CALCR: variants seen among roughly 807,000 people sequenced by gnomAD.
CALCR encodes the protein calcitonin receptor.
In CALCR, 47 loss-of-function variants were observed where a neutral mutation model predicts 59.5. The observed-to-expected ratio is 0.79, with a 90% CI of 0.63 to 1.01. CALCR has a LOEUF of 1.01. Ranked by LOEUF, CALCR falls within the 50% of genes least tolerant of loss-of-function variation. The pLI is 0.00. For missense variants in CALCR, 566 were observed against 597.1 expected (o/e 0.95, Z 0.54); for synonymous variants, 213 against 211.3 (o/e 1.01, Z -0.07).
chr7:93,475,542 G>GT (rs4015274), intron 5 of CALCR, among the ~76,000 whole-genome samples: 2,081 of 149,890 alleles, frequency 0.014, 21 homozygotes, highest in African/African-American at 0.036. Flanking sequence ...GCAGAAAGTA[G>GT]TTTTTTTTTT....
At chr7:93,510,087 A>C (rs1801511308) in intron 2 of CALCR, among the ~76,000 whole-genome samples, 1 of 152,102 alleles carries the variant, frequency 6.6e-6, no homozygotes, top group Non-Finnish European at 1.5e-5. Flanking sequence ...TCTTTGTATA[A>C]ATTTCTTTGT....
At chr7:93,460,566 A>ATATAT (rs1399357588) in intron 8 of CALCR, among the ~76,000 whole-genome samples, 1 of 82,300 alleles carries the variant, frequency 1.2e-5, no homozygotes, top group Non-Finnish European at 2.1e-5. Context: ...AAAAAAAAAA[A>ATATAT]AAAAAAATAT....
intron 7 of CALCR, among the ~76,000 whole-genome samples, chr7:93,467,649 A>C (rs576853619): frequency 7.5e-4 from 114 of 151,692 alleles, no homozygotes; most frequent in Middle Eastern, 3.4e-3. Flanking sequence ...ATAAATGCAT[A>C]TATATTCTTC....
intron 2 of CALCR, among the ~76,000 whole-genome samples, chr7:93,517,317 A>ATTCTTTTTTT (rs1801671375): frequency 7.8e-6 from 1 of 127,810 alleles, no homozygotes; most frequent in African/African-American, 4.0e-5. Flanking sequence ...TTTTTTTTTA[A>ATTCTTTTTTT]TTTGCTAGCC....
At chr7:93,438,342 TG>T in intron 9 of CALCR, 72 bp from the exon 10 acceptor site, 1 of 1,139,238 alleles carries the variant, frequency 8.8e-7, no homozygotes, top group South Asian at 1.2e-5. Flanking sequence ...GCATGGACAA[TG>T]GTAGTGTACT....
At chr7:93,543,664 T>C (rs976483630) in intron 2 of CALCR, among the ~76,000 whole-genome samples, 55 of 151,020 alleles carry the variant, frequency 3.6e-4, no homozygotes, top group East Asian at 2.3e-3. Flanking sequence ...TATATATATA[T>C]ACACACACAC....
chr7:93,501,173 C>A lies in CALCR; in HGVS notation c.-26-14166G>T, dbSNP rs573882580. On this transcript the variant is annotated intron_variant, in intron 2 of 13. Transcript: ENST00000426151. ...TCATAGCAGTTGTTTCCCACCATGA[C>A]CCTAAGAGCTAAGAATCAGTGGTCT... Among the ~76,000 whole-genome samples the A allele has an allele frequency of 3.9e-5, 6 of 152,056 alleles. No homozygotes were observed. The South Asian group carries it at 1.2e-3, about 32-fold the overall frequency.
chr7:93,509,497 C>A (rs1257185781), intron 2 of CALCR, among the ~76,000 whole-genome samples: 1 of 152,092 alleles, frequency 6.6e-6, no homozygotes, highest in Non-Finnish European at 1.5e-5. Context: ...ACTTTTAAGA[C>A]AACTCAGCAA....
chr7:93,534,552 T>C (rs1376793011), intron 2 of CALCR, among the ~76,000 whole-genome samples: 1 of 151,798 alleles, frequency 6.6e-6, no homozygotes, highest in African/African-American at 2.4e-5. Flanking sequence ...CAGTACCCTT[T>C]CCAACAAAAT....
intron 2 of CALCR, among the ~76,000 whole-genome samples, chr7:93,510,767 C>T (rs984068973): frequency 2.0e-5 from 3 of 151,872 alleles, no homozygotes; most frequent in Admixed American, 1.3e-4. Context: ...GAGGCCAAGG[C>T]GGGAGGATTG....
At chr7:93,509,118 C>T (rs1323908391) in intron 2 of CALCR, among the ~76,000 whole-genome samples, 1 of 152,022 alleles carries the variant, frequency 6.6e-6, no homozygotes, top group East Asian at 1.9e-4. Context: ...CATATTGGCT[C>T]AGGTAAAAGC....
intron 8 of CALCR, among the ~76,000 whole-genome samples, chr7:93,453,875 T>C: frequency 6.6e-6 from 1 of 152,192 alleles, no homozygotes; most frequent in East Asian, 1.9e-4. Flanking sequence ...TTCTGCACCA[T>C]GTGACCTTGG....
chr7:93,449,338 T>C (rs577129191), intron 8 of CALCR, among the ~76,000 whole-genome samples: 4 of 152,190 alleles, frequency 2.6e-5, no homozygotes, highest in Admixed American at 2.0e-4. Context: ...AAAGACATTT[T>C]AAGAGAGACT....
intron 2 of CALCR, among the ~76,000 whole-genome samples, chr7:93,515,856 C>A (rs1053999210): frequency 2.6e-5 from 4 of 151,886 alleles, no homozygotes; most frequent in Admixed American, 2.6e-4. Flanking sequence ...TTGCATTAAA[C>A]AATTTTGCTT....
intron 7 of CALCR, among the ~76,000 whole-genome samples, chr7:93,464,431 ATCTTC>A (rs1800400611): frequency 6.6e-6 from 1 of 152,016 alleles, no homozygotes; most frequent in Non-Finnish European, 1.5e-5. Context: ...CCCAAGTCAT[ATCTTC>A]TAGTGTAACT....
At chr7:93,526,487 A>C (rs554237553) in intron 2 of CALCR, among the ~76,000 whole-genome samples, 3 of 146,232 alleles carry the variant, frequency 2.1e-5, no homozygotes, top group East Asian at 2.0e-4. Flanking sequence ...TGATTCAGAG[A>C]TATGGTAAAG....
Position 93,463,431 on chromosome 7 carries a change from T to C in CALCR, c.522-2484A>G, listed in dbSNP as rs941365475. On this transcript the variant is annotated intron_variant, in intron 7 of 13. Transcript: ENST00000426151. Reference sequence around the variant, plus strand: ...CTGTTTTTTGAAAGTTTTAATATAATTTTTGCTCATTGAGTTTTAAAATTT... The same window carrying C: ...CTGTTTTTTGAAAGTTTTAATATAACTTTTGCTCATTGAGTTTTAAAATTT... Among the ~76,000 whole-genome samples, 3 of 151,988 alleles carry C rather than the reference T, an allele frequency of 2.0e-5. No homozygotes were observed. The Admixed American group carries it at 2.0e-4, about 10-fold the overall frequency.
chr7:93,447,361 C>T lies in CALCR; in HGVS notation c.649-3604G>A, dbSNP rs117760935. 1.3e-3 allele frequency among the ~76,000 whole-genome samples: 197 copies of T among 152,114 alleles called. 2 individuals are homozygous for T. In the East Asian group the frequency reaches 0.03, roughly 23 times the overall value. ...CACTTAAGAAAATTCCTCTAATCTA[C>T]ATAACATAGGAAATCTTGTGTGGCA... is the stretch of plus-strand genomic sequence containing the variant. On this transcript the variant is annotated intron_variant, in intron 8 of 13. Transcript: ENST00000426151.
In CALCR at chr7:93,426,219, A is replaced by G. The variant is rs1283006357; in HGVS notation, c.*137T>C. 4.8e-6 allele frequency: 3 copies of G among 623,284 alleles called. No individual in the cohort carries two copies. The highest frequency in any genetic ancestry group is 8.6e-6 in the Non-Finnish European group (3 of 349,858). The allele number at this position is 623,284 out of a possible 1,614,324, so 38.6% of individuals were successfully genotyped here. On this transcript the variant is annotated 3_prime_UTR_variant, in exon 14 of 14. Transcript: ENST00000426151. ...ACCAAGAATAACTTTCTTCAGATTT[A>G]CAATGGACAAATTCACTGAATAATT...
Sources: gnomAD v4.1 joint callset for allele counts (sites outside exome capture counted in the v4.1 genomes callset) on GRCh38, gnomAD v4.1.1 for gene constraint, MANE v1.5 for transcripts, NCBI Gene and HGNC (gene_info 2026-07-23, HGNC 2026-07-21) for gene names.